The following CUEDC1 variants were observed in gnomAD, a reference collection of about 807,000 sequenced individuals.
CUEDC1 encodes the protein CUE domain-containing protein 1.
Under a neutral mutation model 43.7 loss-of-function variants are expected in CUEDC1, and 30 were observed. The observed-to-expected ratio is 0.69, with a 90% CI of 0.51 to 0.93. The LOEUF (loss-of-function observed/expected upper bound fraction) is 0.93. Ranked by LOEUF, CUEDC1 falls within the 40% of genes least tolerant of loss-of-function variation. The pLI, the probability that CUEDC1 is intolerant of heterozygous loss-of-function variation, is 0.00. For missense variants in CUEDC1, 486 were observed against 549.0 expected, an observed-to-expected ratio of 0.89 and a Z score of 1.15; for synonymous variants, 223 against 223.6, an observed-to-expected ratio of 1.00 and a Z score of 0.02.
chr17:57,872,416 A>G (rs1448047291), intron 5 of CUEDC1, among the ~76,000 whole-genome samples: 1 of 152,246 alleles, frequency 6.6e-6, no homozygotes, highest in Non-Finnish European at 1.5e-5. Context: ...AAAGGGAAGA[A>G]GGCCTAAGAG....
chr17:57,931,534 G>C (rs112194283), intron 1 of CUEDC1, among the ~76,000 whole-genome samples: 2,569 of 152,228 alleles, frequency 0.017, 85 homozygotes, highest in African/African-American at 0.058. Context: ...TAAGTCAAAG[G>C]GCACTGCTGT....
chr17:57,912,617 T>C (rs997980209), intron 1 of CUEDC1: 3 of 151,044 alleles, frequency 2.0e-5, no homozygotes, highest in African/African-American at 7.3e-5. Context: ...TTAAAAAAAA[T>C]AGTAAAGCCA....
At chr17:57,917,054 C>T (rs539450736) in intron 1 of CUEDC1, among the ~76,000 whole-genome samples, 1 of 152,306 alleles carries the variant, frequency 6.6e-6, no homozygotes, top group Middle Eastern at 3.4e-3. Flanking sequence ...GCAGGCTAAG[C>T]GCCTGAGGCC....
intron 1 of CUEDC1, among the ~76,000 whole-genome samples, chr17:57,888,609 C>T (rs1018364848): frequency 2.6e-5 from 4 of 152,250 alleles, no homozygotes; most frequent in South Asian, 2.1e-4. Flanking sequence ...CACATCTCCA[C>T]GAACCCACAC....
intron 1 of CUEDC1, among the ~76,000 whole-genome samples, chr17:57,900,374 C>G (rs1277601123): frequency 6.6e-6 from 1 of 152,214 alleles, no homozygotes; most frequent in Non-Finnish European, 1.5e-5. Flanking sequence ...TCTGCAGAAA[C>G]AGCCTGCTGC....
At chr17:57,865,793 C>T (rs529390126) in intron 10 of CUEDC1, among the ~76,000 whole-genome samples, 2 of 151,078 alleles carry the variant, frequency 1.3e-5, no homozygotes, top group South Asian at 4.2e-4. Flanking sequence ...TGTGCACAGC[C>T]GGGTTGAGAC....
intron 1 of CUEDC1, among the ~76,000 whole-genome samples, chr17:57,915,881 T>A (rs1264969408): frequency 1.3e-5 from 2 of 152,130 alleles, no homozygotes; most frequent in African/African-American, 4.8e-5. Context: ...AAAGACATGC[T>A]CCCAAGCTGA....
In CUEDC1 at chr17:57,862,200, C is replaced by G. The variant is rs2073889571; in HGVS notation, c.*1089G>C. 6.6e-6 allele frequency: 1 copy of G among 152,368 alleles called. No homozygotes were observed. Among genetic ancestry groups the G allele is most frequent in the Non-Finnish European group, 1.5e-5 (1 of 68,174 alleles). 9.4% of individuals were successfully genotyped at this position (152,368 alleles called of 1,614,324 possible). ...GGGCCACGGGCTGGGCAGCCTCCCTCCCCGTGGCAGTGGTCAGTGCCGTGT... is the reference window on the plus strand; with the variant it reads ...GGGCCACGGGCTGGGCAGCCTCCCTGCCCGTGGCAGTGGTCAGTGCCGTGT... On this transcript the variant is annotated 3_prime_UTR_variant, in exon 11 of 11. Coordinates refer to ENST00000577830, the MANE Select transcript of CUEDC1 (RefSeq NM_001271875.2).
At chr17:57,887,655 C>CTGTTT (rs2074308143) in intron 1 of CUEDC1, among the ~76,000 whole-genome samples, 1 of 58,032 alleles carries the variant, frequency 1.7e-5, no homozygotes, top group African/African-American at 6.9e-5. Context: ...CCACGCCTGG[C>CTGTTT]TTTTTTTTTT....
chr17:57,942,908 G>C (rs2074929686), intron 1 of CUEDC1, among the ~76,000 whole-genome samples: 1 of 151,704 alleles, frequency 6.6e-6, no homozygotes, highest in South Asian at 2.1e-4. Context: ...GGTGCCTGTA[G>C]TCCCAGCTAC....
chr17:57,917,224 C>G (rs1386198035), intron 1 of CUEDC1, among the ~76,000 whole-genome samples: 9 of 123,232 alleles, frequency 7.3e-5, no homozygotes, highest in Non-Finnish European at 8.6e-5. Flanking sequence ...CTCATCTCCC[C>G]CAGGGCAACA....
chr17:57,921,449 T>C lies in CUEDC1; in HGVS notation c.-316+33776A>G, dbSNP rs534241708. ...ATCCCATGACTTTATAAGGAAGATA[T>C]ACGGAGTAACCTGGATTTAGATTCC... On this transcript the variant is annotated intron_variant, in intron 1 of 10. Transcript: ENST00000577830. Among the ~76,000 whole-genome samples the C allele has an allele frequency of 5.9e-5, 9 of 152,354 alleles. No homozygotes were observed. In the South Asian group the frequency reaches 1.9e-3, roughly 32 times the overall value.
chr17:57,937,898 C>T (rs1015997175), intron 1 of CUEDC1, among the ~76,000 whole-genome samples: 1 of 152,022 alleles, frequency 6.6e-6, no homozygotes, highest in African/African-American at 2.4e-5. Flanking sequence ...CAGAGAGAGA[C>T]CTAGTCTCAA....
intron 1 of CUEDC1, among the ~76,000 whole-genome samples, chr17:57,896,610 A>G (rs1351596073): frequency 6.6e-6 from 1 of 151,600 alleles, no homozygotes; most frequent in African/African-American, 2.4e-5. Flanking sequence ...AGATCAAGGA[A>G]ATTTTTCCAC....
intron 1 of CUEDC1, among the ~76,000 whole-genome samples, chr17:57,933,740 C>T (rs1419127793): frequency 6.6e-6 from 1 of 152,198 alleles, no homozygotes; most frequent in Non-Finnish European, 1.5e-5. Context: ...AAACTCTAGT[C>T]TACCAGATCG....
intron 2 of CUEDC1, 139 bp from the exon 3 acceptor site, chr17:57,879,877 A>G: frequency 2.3e-6 from 2 of 884,180 alleles, no homozygotes; most frequent in Non-Finnish European, 3.3e-6. Context: ...AATCGATACA[A>G]TCACCACTTT....
At chr17:57,866,103 A>T (rs2073953397) in intron 10 of CUEDC1, among the ~76,000 whole-genome samples, 1 of 152,136 alleles carries the variant, frequency 6.6e-6, no homozygotes, top group South Asian at 2.1e-4. Flanking sequence ...GATTACAGGC[A>T]TGGGACACCG....
At position 57,954,464 on chromosome 17, in the gene CUEDC1, G is replaced by A. The variant is rs558310059; in HGVS notation, c.-316+761C>T. Among the ~76,000 whole-genome samples the A allele has an allele frequency of 6.6e-6, 1 of 152,302 alleles. No homozygotes were observed. Among genetic ancestry groups the A allele is most frequent in the East Asian group, 1.9e-4 (1 of 5,186 alleles). ...TTTTAAGGGGAAAAGAAATGGGCAGGGCAGTGCTGGGTGTAAGGCGACCAC... is the reference window on the plus strand; with the variant it reads ...TTTTAAGGGGAAAAGAAATGGGCAGAGCAGTGCTGGGTGTAAGGCGACCAC... On this transcript the variant is annotated intron_variant, in intron 1 of 10. Transcript: ENST00000577830. The surrounding 1 kb of genome is among the most constrained non-coding windows in gnomAD (Gnocchi z 4.3).
chr17:57,891,025 C>T (rs576385802), intron 1 of CUEDC1, among the ~76,000 whole-genome samples: 1 of 152,310 alleles, frequency 6.6e-6, no homozygotes, highest in East Asian at 1.9e-4. Flanking sequence ...GCTTGGGGCA[C>T]AGGCCTGGGA....
Sources: allele counts gnomAD v4.1 joint callset (sites outside exome capture counted in the v4.1 genomes callset), GRCh38; gene constraint gnomAD v4.1.1; non-coding constraint Gnocchi (gnomAD v3.1); transcripts MANE v1.5; gene names NCBI Gene and HGNC (gene_info 2026-07-23, HGNC 2026-07-21).